Variants in KBTBD12 observed in about 807,000 individuals in gnomAD.
KBTBD12 encodes the protein kelch repeat and BTB domain-containing protein 12.
A neutral mutation model predicts 58.7 loss-of-function variants in KBTBD12; 53 were observed. The ratio of observed to expected loss-of-function variants is 0.90; its 90% confidence interval spans 0.72 to 1.14. The LOEUF (loss-of-function observed/expected upper bound fraction) is 1.14, where lower values mean the gene tolerates loss of function less well. KBTBD12 is among the 50% of genes most tolerant of loss of function. KBTBD12 has a pLI of 0.00. For missense variants in KBTBD12, 704 were observed against 751.3 expected (o/e 0.94, Z 0.74); for synonymous variants, 236 against 259.8 (o/e 0.91, Z 0.88).
intron 5 of KBTBD12, among the ~76,000 whole-genome samples, chr3:127,964,610 C>CCAG (rs1211750406): frequency 2.0e-5 from 3 of 148,104 alleles, no homozygotes; most frequent in Non-Finnish European, 4.4e-5. Context: ...CCACTACACT[C>CCAG]CAGCCTGGCA....
chr3:127,946,096 C>G (rs13095027), intron 4 of KBTBD12, among the ~76,000 whole-genome samples: 51,623 of 152,070 alleles, frequency 0.34, 8,896 homozygotes, highest in Non-Finnish European at 0.36. Flanking sequence ...AACCTGACAA[C>G]AGTTTAATTT....
chr3:127,924,229 G>A (rs1319046169), intron 2 of KBTBD12, 98 bp downstream of exon 2: 6 of 733,162 alleles, frequency 8.2e-6, no homozygotes, highest in Non-Finnish European at 1.3e-5. Flanking sequence ...TAAATTATTT[G>A]TAGTCAAAAT....
chr3:127,944,109 C>T (rs941604332), intron 4 of KBTBD12, among the ~76,000 whole-genome samples: 1 of 152,040 alleles, frequency 6.6e-6, no homozygotes, highest in South Asian at 2.1e-4. Context: ...ACTTGAAATC[C>T]GGAAGTTGGT....
intron 4 of KBTBD12, among the ~76,000 whole-genome samples, chr3:127,947,788 G>A (rs1397436005): frequency 6.6e-6 from 1 of 152,128 alleles, no homozygotes; most frequent in Non-Finnish European, 1.5e-5. Context: ...CTTCAGCAGG[G>A]TTCCTCTGTC....
At chr3:127,924,653 A>T (rs1939522024) in intron 2 of KBTBD12, among the ~76,000 whole-genome samples, 1 of 152,116 alleles carries the variant, frequency 6.6e-6, no homozygotes, top group African/African-American at 2.4e-5. Flanking sequence ...ATTTAGAGCA[A>T]TAAGTAATTT....
At chr3:127,955,727 TATC>T (rs1940305723) in intron 4 of KBTBD12, among the ~76,000 whole-genome samples, 1 of 152,198 alleles carries the variant, frequency 6.6e-6, no homozygotes, top group Non-Finnish European at 1.5e-5. Context: ...GGAAAGGTAA[TATC>T]ATATTAATGG....
chr3:127,921,481 T>G (rs1044622246), intron 1 of KBTBD12, among the ~76,000 whole-genome samples: 22 of 152,140 alleles, frequency 1.4e-4, no homozygotes, highest in Non-Finnish European at 2.4e-4. Flanking sequence ...AAAGCCCCCA[T>G]GTACAATGCG....
In KBTBD12 at chr3:127,923,662, T is replaced by G. The variant is rs1346979483; in HGVS notation, c.601T>G (p.Trp201Gly). Residue 201 changes from tryptophan to glycine, a missense_variant, in exon 2 of 6, where the codon TGG (tryptophan) becomes GGG (glycine). By Grantham distance (184) the Trp-to-Gly change is radical. Transcript: ENST00000405109. ...EESILDLVLR[W>G]VNHNKELRTV... ...GAGCATTCTGGACTTAGTTCTGAGATGGGTAAATCATAACAAAGAATTGCG... is the reference window on the plus strand; with the variant it reads ...GAGCATTCTGGACTTAGTTCTGAGAGGGGTAAATCATAACAAAGAATTGCG... 6.2e-7 allele frequency: 1 copy of G among 1,613,790 alleles called. No individual in the cohort carries two copies. Among genetic ancestry groups the G allele is most frequent in the Non-Finnish European group, 8.5e-7 (1 of 1,179,790 alleles).
chr3:127,971,023 G>T (rs1440858375), intron 5 of KBTBD12, among the ~76,000 whole-genome samples: 1 of 152,208 alleles, frequency 6.6e-6, no homozygotes, highest in East Asian at 1.9e-4. Flanking sequence ...TCAGCTTGGT[G>T]TTTGACACTA....
chr3:127,923,583 G>C lies in KBTBD12; in HGVS notation c.522G>C (p.Val174=), dbSNP rs767954987. 3.7e-6 allele frequency: 6 copies of C among 1,613,442 alleles called. No individual in the cohort carries two copies. The highest frequency in any genetic ancestry group is 5.1e-6 in the Non-Finnish European group (6 of 1,179,684). ...ATGAAGAAATACTAGAAATCGAAGT[G>C]CACCAATTTTTGACACTTATTAAAT... The part of the protein sequence containing the change: ...SLHEEILEIE[V]HQFLTLIKSD... The change falls in exon 2 of 6, where the codon GTG becomes GTC. Residue 174 remains valine (V), a synonymous_variant. Coordinates refer to ENST00000405109, the MANE Select transcript of KBTBD12 (RefSeq NM_207335.4).
At chr3:127,945,908 G>C (rs1940071496) in intron 4 of KBTBD12, among the ~76,000 whole-genome samples, 9 of 151,436 alleles carry the variant, frequency 5.9e-5, no homozygotes, top group Admixed American at 5.9e-4. Flanking sequence ...TGAACTCCTG[G>C]ACTCAAATGA....
In KBTBD12 at chr3:127,927,915, A is replaced by G; in HGVS notation, c.1222A>G (p.Lys408Glu). The change falls in exon 3 of 6, where the codon AAG becomes GAG. Residue 408 changes from lysine to glutamate, a missense_variant. Lys to Glu is a moderately conservative substitution (Grantham distance 56). Transcript: ENST00000405109. ...NQYLITNCVD[K>E]YSVERDNWKR... ...GTATCTTATTACAAACTGTGTTGAT[A>G]AGTACTCTGTAGAACGGGACAATTG... The G allele has an allele frequency of 1.2e-6, 2 of 1,613,576 alleles. No homozygotes were observed.
At chr3:127,960,311 T>C (rs899949340) in intron 4 of KBTBD12, among the ~76,000 whole-genome samples, 1 of 152,150 alleles carries the variant, frequency 6.6e-6, no homozygotes, top group African/African-American at 2.4e-5. Flanking sequence ...GCAGGCATTG[T>C]CCTCTTCTAT....
At chr3:127,946,455 A>G (rs1012865832) in intron 4 of KBTBD12, among the ~76,000 whole-genome samples, 3 of 152,150 alleles carry the variant, frequency 2.0e-5, no homozygotes, top group Admixed American at 2.0e-4. Context: ...AGTCTATTTC[A>G]TCTGGCTTTC....
intron 1 of KBTBD12, among the ~76,000 whole-genome samples, chr3:127,917,760 T>A (rs75053794): frequency 6.6e-6 from 1 of 152,224 alleles, no homozygotes; most frequent in African/African-American, 2.4e-5. Flanking sequence ...ATAAATTTTA[T>A]ATGTAGAAAA....
chr3:127,922,701 T>A (rs1223601458), intron 1 of KBTBD12, among the ~76,000 whole-genome samples: 1 of 152,104 alleles, frequency 6.6e-6, no homozygotes, highest in Non-Finnish European at 1.5e-5. Flanking sequence ...CTATACATGT[T>A]GGGAGGGAAA....
At chr3:127,972,602 G>T (rs919433012) in intron 5 of KBTBD12, among the ~76,000 whole-genome samples, 1 of 152,204 alleles carries the variant, frequency 6.6e-6, no homozygotes, top group Non-Finnish European at 1.5e-5. Flanking sequence ...TCAGCTAGCT[G>T]CTTAGAATGT....
chr3:127,954,525 T>C (rs1277546683), intron 4 of KBTBD12, among the ~76,000 whole-genome samples: 2 of 152,250 alleles, frequency 1.3e-5, no homozygotes, highest in South Asian at 2.1e-4. Flanking sequence ...TTAGTTATGC[T>C]CTTGAATAAA....
intron 4 of KBTBD12, among the ~76,000 whole-genome samples, chr3:127,949,706 C>T (rs1034619611): frequency 1.3e-5 from 2 of 152,108 alleles, no homozygotes; most frequent in Non-Finnish European, 2.9e-5. Flanking sequence ...ATCCAAGTTG[C>T]GAAACAGAAT....
Sources: gnomAD v4.1 joint callset for allele counts (sites outside exome capture counted in the v4.1 genomes callset) on GRCh38, gnomAD v4.1.1 for gene constraint, MANE v1.5 for transcripts, NCBI Gene and HGNC (gene_info 2026-07-23, HGNC 2026-07-21) for gene names.